CASK: variants seen among roughly 807,000 people sequenced by gnomAD.
CASK encodes peripheral plasma membrane protein CASK.
In CASK, 4 loss-of-function variants were observed where a neutral mutation model predicts 82.9. The observed-to-expected ratio is 0.05, with a 90% CI of 0.02 to 0.11. CASK has a LOEUF of 0.11. Among genes scored for constraint, CASK ranks in the 10% least tolerant of loss-of-function variants. The pLI is 1.00. For synonymous variants in CASK, 259 were observed against 253.5 expected, an observed-to-expected ratio of 1.02 and a Z score of -0.20; for missense variants, 358 against 720.9, an observed-to-expected ratio of 0.50 and a Z score of 5.76.
intron 12 of CASK, among the ~76,000 whole-genome samples, chrX:41,608,322 C>G (rs997902541): frequency 8.9e-6 from 1 of 112,273 alleles, no homozygotes; most frequent in African/African-American, 3.2e-5. Flanking sequence ...AAGAATGTAG[C>G]ATTTCCCAAA....
At chrX:41,581,375 G>A (rs1449175016) in intron 14 of CASK, among the ~76,000 whole-genome samples, 3 of 108,112 alleles carry the variant, frequency 2.8e-5, no homozygotes, top group Non-Finnish European at 3.8e-5. Flanking sequence ...GCAAGACCCC[G>A]TCTCTTAAAA....
intron 12 of CASK, among the ~76,000 whole-genome samples, chrX:41,608,070 G>T (rs1403183851): frequency 8.9e-6 from 1 of 112,175 alleles, no homozygotes; most frequent in Admixed American, 9.5e-5. Context: ...AGAAGCAACT[G>T]TTAGATACCT....
In CASK at chrX:41,685,167, G is replaced by A. The variant is rs7051941; in HGVS notation, c.430-13637C>T. The stretch of plus-strand genomic sequence containing the variant: ...CTCCTTGTGGTTATGCTTTCACTTT[G>A]CAATAGAGTGAGGTTCATTTGTTTC... On this transcript the variant is annotated intron_variant, in intron 5 of 26. Transcript: ENST00000378163. 8.2e-3 allele frequency among the ~76,000 whole-genome samples: 920 copies of A among 111,835 alleles called. 7 individuals carry two copies. The highest frequency in any genetic ancestry group is 0.029 in the African/African-American group (885 of 30,797).
At chrX:41,548,821 G>A (rs1176836557) in intron 21 of CASK, among the ~76,000 whole-genome samples, 2 of 112,084 alleles carry the variant, frequency 1.8e-5, no homozygotes, top group African/African-American at 3.2e-5. Context: ...ATGTTCTTAA[G>A]CTTAAAACAA....
chrX:41,667,927 C>T (rs777557167), intron 6 of CASK, among the ~76,000 whole-genome samples: 1 of 111,716 alleles, frequency 9.0e-6, no homozygotes, highest in Non-Finnish European at 1.9e-5. Flanking sequence ...GGCTGTTGCG[C>T]TTTCCAAGTT....
At chrX:41,844,012 T>C (rs1486615417) in intron 2 of CASK, among the ~76,000 whole-genome samples, 4 of 112,005 alleles carry the variant, frequency 3.6e-5, no homozygotes, top group African/African-American at 1.3e-4. Context: ...TTTATCTGGA[T>C]ATATGTTTCA....
At chrX:41,773,809 G>T (rs987538261) in intron 3 of CASK, among the ~76,000 whole-genome samples, 1 of 111,112 alleles carries the variant, frequency 9.0e-6, no homozygotes, top group Admixed American at 9.6e-5. Flanking sequence ...ATGGTACACT[G>T]GTATAGGGCA....
chrX:41,537,818 TTTATTATTA>T (rs55857120), intron 22 of CASK, among the ~76,000 whole-genome samples: 98 of 95,361 alleles, frequency 1.0e-3, no homozygotes, highest in Middle Eastern at 5.3e-3. Flanking sequence ...GCCTATTACT[TTTATTATTA>T]TTATTATTAT....
chrX:41,617,417 A>G (rs1351135556), intron 11 of CASK, among the ~76,000 whole-genome samples: 1 of 112,258 alleles, frequency 8.9e-6, no homozygotes, highest in Non-Finnish European at 1.9e-5. Context: ...CCTATTTTTA[A>G]GTTTCTGTAA....
intron 3 of CASK, among the ~76,000 whole-genome samples, chrX:41,779,992 C>A (rs1469754712): frequency 9.0e-6 from 1 of 110,954 alleles, no homozygotes; most frequent in African/African-American, 3.3e-5. Flanking sequence ...TTAAAAGATA[C>A]AAAAAAATTA....
At chrX:41,627,560 C>A (rs1219541565) in intron 9 of CASK, among the ~76,000 whole-genome samples, 2 of 111,649 alleles carry the variant, frequency 1.8e-5, no homozygotes, top group Non-Finnish European at 3.8e-5. Context: ...TGCCCCTCCA[C>A]CCTCCCCTAT....
At chrX:41,640,977 C>CTTTTTTT (rs933827422) in intron 8 of CASK, among the ~76,000 whole-genome samples, 3 of 49,716 alleles carry the variant, frequency 6.0e-5, no homozygotes, top group Non-Finnish European at 7.2e-5. Context: ...GGTATCTCGT[C>CTTTTTTT]TTTTTTTTTT....
intron 8 of CASK, among the ~76,000 whole-genome samples, chrX:41,642,882 T>C (rs1453515496): frequency 8.9e-6 from 1 of 112,137 alleles, no homozygotes; most frequent in African/African-American, 3.2e-5. Context: ...TGGTTTTAGG[T>C]CTAACATTTA....
At chrX:41,528,401 A>G (rs758061149) in intron 25 of CASK, among the ~76,000 whole-genome samples, 1 of 112,618 alleles carries the variant, frequency 8.9e-6, no homozygotes, top group Non-Finnish European at 1.9e-5. Context: ...GACGTGCTCA[A>G]TTGGGCCTCA....
chrX:41,663,475 A>G (rs975840423), intron 7 of CASK, among the ~76,000 whole-genome samples: 32 of 112,640 alleles, frequency 2.8e-4, no homozygotes, highest in Non-Finnish European at 9.4e-5. Flanking sequence ...CTGACTTACT[A>G]TAATACTAGG....
intron 1 of CASK, among the ~76,000 whole-genome samples, chrX:41,860,862 TAAAGACTTGAC>T (rs2147988057): frequency 8.9e-6 from 1 of 112,682 alleles, no homozygotes; most frequent in East Asian, 2.8e-4. Context: ...TGTTAACAAT[TAAAGACTTGAC>T]AAAGGAGTAT....
At chrX:41,863,622 T>G (rs1181069277) in intron 1 of CASK, among the ~76,000 whole-genome samples, 2 of 112,456 alleles carry the variant, frequency 1.8e-5, no homozygotes, top group Non-Finnish European at 3.8e-5. Context: ...GAGCTATATA[T>G]TCACATTTTG....
chrX:41,822,853 T>C (rs1272108865), intron 2 of CASK, among the ~76,000 whole-genome samples: 1 of 110,330 alleles, frequency 9.1e-6, no homozygotes, highest in Non-Finnish European at 1.9e-5. Context: ...CTATTACTAT[T>C]ACTTTCATCT....
At position 41,517,685 on chromosome X, in the gene CASK, A is replaced by G; in HGVS notation, c.*2735T>C. 2.0e-6 allele frequency: 1 copy of G among 488,138 alleles called. No homozygotes were observed. The highest frequency in any genetic ancestry group is 2.8e-5 in the South Asian group (1 of 35,660). 40.2% of individuals were successfully genotyped at this position (488,138 alleles called of 1,213,427 possible). On this transcript the variant is annotated 3_prime_UTR_variant, in exon 27 of 27. Coordinates refer to ENST00000378163, the MANE Select transcript of CASK (RefSeq NM_001367721.1). ...GTCTTTAAAAGAAAGAAAGAAAAAA[A>G]AAGGTTCTGCTGATGGAATGGAAGC... is the stretch of plus-strand genomic sequence containing the variant.
Sources: gnomAD v4.1 joint callset for allele counts (sites outside exome capture counted in the v4.1 genomes callset) on GRCh38, gnomAD v4.1.1 for gene constraint, MANE v1.5 for transcripts, NCBI Gene and HGNC (gene_info 2026-07-23, HGNC 2026-07-21) for gene names.